The following ATPSCKMT variants were observed in gnomAD, a reference collection of about 807,000 sequenced individuals.
The protein encoded by ATPSCKMT is ATP synthase c subunit lysine N-methyltransferase, also known as ATP synthase subunit C lysine N-methyltransferase.
Under a neutral mutation model 24.3 loss-of-function variants are expected in ATPSCKMT, and 24 were observed. That is an observed-to-expected ratio of 0.99 (90% confidence interval 0.71 to 1.39). The LOEUF (loss-of-function observed/expected upper bound fraction) is 1.39. ATPSCKMT is among the 40% of genes most tolerant of loss of function. The pLI, the probability that ATPSCKMT is intolerant of heterozygous loss-of-function variation, is 0.00. For synonymous variants in ATPSCKMT, 95 were observed against 110.5 expected, an observed-to-expected ratio of 0.86 and a Z score of 0.88; for missense variants, 311 against 298.4, an observed-to-expected ratio of 1.04 and a Z score of -0.31.
At chr5:10,235,082 C>T (rs1744312934) in intron 4 of ATPSCKMT, 129 bp downstream of exon 4, 2 of 715,002 alleles carry the variant, frequency 2.8e-6, no homozygotes, top group Non-Finnish European at 4.8e-6. Context: ...AATCAATGAA[C>T]TGAAATCCAG....
At chr5:10,246,972 G>C (rs942613865) in intron 1 of ATPSCKMT, among the ~76,000 whole-genome samples, 23 of 152,354 alleles carry the variant, frequency 1.5e-4, no homozygotes, top group South Asian at 6.2e-4. Context: ...GCAAGCCTTG[G>C]AACCAAGGTG....
intron 1 of ATPSCKMT, among the ~76,000 whole-genome samples, chr5:10,245,146 C>T (rs1744844952): frequency 6.6e-6 from 1 of 152,150 alleles, no homozygotes; most frequent in South Asian, 2.1e-4. Context: ...TCAAGCTGGG[C>T]ATGGTGGCTC....
At chr5:10,247,168 T>TA (rs1554009246) in intron 1 of ATPSCKMT, among the ~76,000 whole-genome samples, 1 of 152,226 alleles carries the variant, frequency 6.6e-6, no homozygotes, top group Non-Finnish European at 1.5e-5. Flanking sequence ...CTTGATGAAA[T>TA]CATTCTATTT....
chr5:10,229,365 T>C (rs952404003), intron 4 of ATPSCKMT, among the ~76,000 whole-genome samples: 3 of 152,214 alleles, frequency 2.0e-5, no homozygotes, highest in Admixed American at 1.3e-4. Context: ...TGTGTGCTCA[T>C]GAGCAGTGCG....
At chr5:10,242,324 A>T (rs949039686) in intron 1 of ATPSCKMT, among the ~76,000 whole-genome samples, 1 of 152,182 alleles carries the variant, frequency 6.6e-6, no homozygotes, top group Admixed American at 6.5e-5. Context: ...GTTCTTTGTC[A>T]TCATTTCAAC....
intron 3 of ATPSCKMT, among the ~76,000 whole-genome samples, chr5:10,235,607 C>T (rs1207167586): frequency 6.6e-6 from 1 of 152,184 alleles, no homozygotes; most frequent in Admixed American, 6.5e-5. Flanking sequence ...GCACCGGGGC[C>T]ACGTGTTCCC....
At chr5:10,237,719 C>T (rs554116089) in intron 2 of ATPSCKMT, among the ~76,000 whole-genome samples, 2 of 151,862 alleles carry the variant, frequency 1.3e-5, no homozygotes, top group African/African-American at 4.8e-5. Flanking sequence ...TCAGGTATGT[C>T]TTTATCAGCA....
At chr5:10,249,727 C>G in intron 1 of ATPSCKMT, 131 bp downstream of exon 1, 1 of 1,385,458 alleles carries the variant, frequency 7.2e-7, no homozygotes, top group Non-Finnish European at 9.6e-7. Flanking sequence ...GAAGGCCAGG[C>G]TGGAGGCCAG....
intron 1 of ATPSCKMT, among the ~76,000 whole-genome samples, chr5:10,239,630 C>T (rs909952271): frequency 6.6e-6 from 1 of 152,128 alleles, no homozygotes; most frequent in Non-Finnish European, 1.5e-5. Flanking sequence ...CCTTACAAAA[C>T]AATGTATTCA....
At chr5:10,243,088 C>A (rs903610530) in intron 1 of ATPSCKMT, among the ~76,000 whole-genome samples, 8 of 152,174 alleles carry the variant, frequency 5.3e-5, no homozygotes, top group African/African-American at 1.9e-4. Flanking sequence ...TTAAAGTCAC[C>A]AGCTGCACTG....
intron 4 of ATPSCKMT, among the ~76,000 whole-genome samples, chr5:10,232,716 A>G (rs551878063): frequency 6.6e-6 from 1 of 152,252 alleles, no homozygotes; most frequent in Admixed American, 6.5e-5. Context: ...CGAGAGAAGG[A>G]CGGAGGGCTG....
chr5:10,234,781 CTG>C (rs926287484), intron 4 of ATPSCKMT, among the ~76,000 whole-genome samples: 44 of 152,184 alleles, frequency 2.9e-4, no homozygotes, highest in African/African-American at 1.0e-3. Flanking sequence ...CTGAGGTAAA[CTG>C]AAACTACTCA....
In ATPSCKMT at chr5:10,227,215, G is replaced by C; in HGVS notation, c.*226C>G. ...ACTTATTCATCTTTTCATGCATCCA[G>C]GTGCATGGAAAGGCAGTAAGTACAA... On this transcript the variant is annotated 3_prime_UTR_variant, in exon 5 of 5. Transcript: ENST00000511437. The C allele has an allele frequency of 1.9e-6, 1 of 534,414 alleles. No homozygotes were observed. Among genetic ancestry groups the C allele is most frequent in the Non-Finnish European group, 3.3e-6 (1 of 299,458 alleles). The allele number at this position is 534,414 out of a possible 1,614,324, so 33.1% of individuals were successfully genotyped here.
rs1579414619 is a variant in ATPSCKMT, at chr5:10,226,108, C to T, written c.*1333G>A. The stretch of plus-strand genomic sequence containing the variant: ...AGACTCACACAGGTGCTCTCTACAC[C>T]ATCACACTGTTTACTTCAGAGAACT... On this transcript the variant is annotated 3_prime_UTR_variant, in exon 5 of 5. Coordinates refer to ENST00000511437, the MANE Select transcript of ATPSCKMT (RefSeq NM_199133.4). Among the ~76,000 whole-genome samples the T allele has an allele frequency of 6.6e-6, 1 of 152,248 alleles. No homozygotes were observed.
At chr5:10,227,779 C>T (rs140046606) in intron 4 of ATPSCKMT, 132 bp from the exon 5 acceptor site, 24 of 724,146 alleles carry the variant, frequency 3.3e-5, no homozygotes, top group Admixed American at 9.1e-5. Context: ...CACTCTGGGA[C>T]ACAAACACAT....
chr5:10,233,893 C>T (rs944953364), intron 4 of ATPSCKMT, among the ~76,000 whole-genome samples: 1 of 152,184 alleles, frequency 6.6e-6, no homozygotes, highest in African/African-American at 2.4e-5. Context: ...TCTATGATCC[C>T]AATCAGTTTT....
intron 2 of ATPSCKMT, chr5:10,237,040 C>G: frequency 2.3e-6 from 3 of 1,290,588 alleles, no homozygotes; most frequent in African/African-American, 1.5e-5. Flanking sequence ...ATAAAAATAA[C>G]CTGTCAATGA....
chr5:10,240,036 C>T lies in ATPSCKMT; in HGVS notation c.17-680G>A, dbSNP rs1471353978. Among the ~76,000 whole-genome samples, 10 of 149,816 alleles carry T rather than the reference C, an allele frequency of 6.7e-5. No individual in the cohort carries two copies. In the East Asian group the frequency reaches 1.2e-3, roughly 18 times the overall value. Reference sequence around the variant, plus strand: ...GGTCAGGACATCGAGACCATCCTGGCTAACATGGTGAAACCCCATCTCTAC... The same window carrying T: ...GGTCAGGACATCGAGACCATCCTGGTTAACATGGTGAAACCCCATCTCTAC... On this transcript the variant is annotated intron_variant, in intron 1 of 4. Coordinates refer to ENST00000511437, the MANE Select transcript of ATPSCKMT (RefSeq NM_199133.4).
At chr5:10,228,557 AC>A (rs1169266085) in intron 4 of ATPSCKMT, among the ~76,000 whole-genome samples, 1 of 152,112 alleles carries the variant, frequency 6.6e-6, no homozygotes, top group East Asian at 1.9e-4. Context: ...CACCTTCACC[AC>A]CTTCACATCC....
Sources: gnomAD v4.1 joint callset for allele counts (sites outside exome capture counted in the v4.1 genomes callset) on GRCh38, gnomAD v4.1.1 for gene constraint, MANE v1.5 for transcripts, NCBI Gene and HGNC (gene_info 2026-07-23, HGNC 2026-07-21) for gene names.